Variants in CHRNA5 observed in about 807,000 individuals in gnomAD.
CHRNA5 encodes cholinergic receptor nicotinic alpha 5 subunit.
CHRNA5 carries 28 observed loss-of-function variants against 41.2 expected under a neutral mutation model. The observed-to-expected ratio is 0.68, with a 90% CI of 0.50 to 0.93. The LOEUF (loss-of-function observed/expected upper bound fraction) is 0.93. Among genes scored for constraint, CHRNA5 ranks in the 40% least tolerant of loss-of-function variants. The probability of loss-of-function intolerance (pLI) is 0.00; values close to 1 mark genes in which losing one functional copy is unlikely to be tolerated. For synonymous variants in CHRNA5, 188 were observed against 205.8 expected (o/e 0.91, Z 0.74); for missense variants, 481 against 581.9 (o/e 0.83, Z 1.78).
chr15:78,585,736 A>G (rs1337804860), intron 2 of CHRNA5, among the ~76,000 whole-genome samples: 2 of 151,158 alleles, frequency 1.3e-5, no homozygotes, highest in Admixed American at 6.6e-5. Context: ...GCTTTATGAA[A>G]TTCGTATTCA....
intron 2 of CHRNA5, among the ~76,000 whole-genome samples, chr15:78,582,214 G>A (rs185308922): frequency 6.6e-6 from 1 of 152,192 alleles, no homozygotes; most frequent in Admixed American, 6.5e-5. Context: ...AGCCAGGTGT[G>A]GTGGTTCATG....
chr15:78,580,495 TAGTC>T (rs1215904185), intron 1 of CHRNA5, among the ~76,000 whole-genome samples: 9 of 151,038 alleles, frequency 6.0e-5, no homozygotes, highest in Non-Finnish European at 4.4e-5. Flanking sequence ...CATATTCCAA[TAGTC>T]AGTCTGATTT....
At chr15:78,567,717 A>G in intron 1 of CHRNA5, among the ~76,000 whole-genome samples, 1 of 152,188 alleles carries the variant, frequency 6.6e-6, no homozygotes, top group East Asian at 1.9e-4. Flanking sequence ...GTGGAACAGT[A>G]TTACCTCTCT....
exon 6 of CHRNA5, chr15:78,593,479 A>C: frequency 2.9e-6 from 1 of 350,212 alleles, no homozygotes; most frequent in Non-Finnish European, 5.1e-6. Flanking sequence ...GCAAAATATT[A>C]TCTGAACTGG....
chr15:78,579,265 G>GT (rs869292535), intron 1 of CHRNA5, among the ~76,000 whole-genome samples: 5 of 102,194 alleles, frequency 4.9e-5, no homozygotes, highest in African/African-American at 1.7e-4. Flanking sequence ...TTGTTTGTTT[G>GT]TTTTTTGAGA....
chr15:78,588,333 T>G lies in CHRNA5; in HGVS notation c.323T>G (p.Leu108Ter). 6.3e-7 allele frequency: 1 copy of G among 1,580,312 alleles called. No homozygotes were observed. Among genetic ancestry groups the G allele is most frequent in the Non-Finnish European group, 8.6e-7 (1 of 1,158,156 alleles). ...TTAAAGGAATGGATAGATGTAAAAT[T>G]AAGATGGAACCCTGATGACTATGGT... The change falls in exon 4 of 6, where the codon TTA (leucine) becomes TGA (stop). Residue 108 changes from leucine (L) to a stop codon, truncating the protein, a stop_gained. Transcript: ENST00000299565. LOFTEE classifies it high-confidence loss of function. This position sits in a 1 kb window ranked among gnomAD's most constrained non-coding sequence, Gnocchi z 4.1.
chr15:78,586,947 A>G (rs2052966336), intron 3 of CHRNA5, among the ~76,000 whole-genome samples: 1 of 152,204 alleles, frequency 6.6e-6, no homozygotes, highest in African/African-American at 2.4e-5. Context: ...AAAACAGACA[A>G]AAAACCCTGT....
intron 1 of CHRNA5, among the ~76,000 whole-genome samples, chr15:78,577,790 C>T (rs529281362): frequency 6.6e-6 from 1 of 151,884 alleles, no homozygotes; most frequent in African/African-American, 2.4e-5. Context: ...AAACATTAGC[C>T]AGGTGTGGTG....
chr15:78,574,184 C>T (rs1241417974), intron 1 of CHRNA5, among the ~76,000 whole-genome samples: 1 of 150,934 alleles, frequency 6.6e-6, no homozygotes, highest in African/African-American at 2.4e-5. Context: ...AGTTCAAAAC[C>T]AGCCTGACCA....
chr15:78,571,707 A>T (rs1376527300), intron 1 of CHRNA5, among the ~76,000 whole-genome samples: 1 of 151,882 alleles, frequency 6.6e-6, no homozygotes, highest in South Asian at 2.1e-4. Flanking sequence ...TCAGGGTAAG[A>T]TATTAAGTTT....
intron 3 of CHRNA5, among the ~76,000 whole-genome samples, chr15:78,587,440 GGC>G (rs2052970885): frequency 7.1e-6 from 1 of 140,352 alleles, no homozygotes; most frequent in African/African-American, 2.7e-5. Context: ...GAGCGTTCCA[GGC>G]AGCAGGACCT....
At chr15:78,576,584 C>G (rs2052859002) in intron 1 of CHRNA5, among the ~76,000 whole-genome samples, 1 of 151,946 alleles carries the variant, frequency 6.6e-6, no homozygotes, top group Admixed American at 6.6e-5. Context: ...GAGTTCAAGA[C>G]CAGCCTGAGC....
At chr15:78,590,750 T>G (rs770904584) in intron 5 of CHRNA5, 114 bp downstream of exon 5, 1 of 808,688 alleles carries the variant, frequency 1.2e-6, no homozygotes, top group Non-Finnish European at 1.9e-6. Flanking sequence ...TAAGCATAGA[T>G]TGAGGGCCAG....
intron 1 of CHRNA5, among the ~76,000 whole-genome samples, chr15:78,570,644 C>T (rs1173527850): frequency 1.3e-5 from 2 of 151,828 alleles, no homozygotes; most frequent in African/African-American, 2.4e-5. Context: ...AGCCTTTTAC[C>T]AGTAAAAATA....
exon 3 of CHRNA5, chr15:78,586,683 G>A: frequency 6.2e-7 from 1 of 1,603,806 alleles, no homozygotes; most frequent in Non-Finnish European, 8.5e-7. Flanking sequence ...ACGTCTGGTT[G>A]AAACAGGTAT....
At position 78,583,380 on chromosome 15, in the gene CHRNA5, G is replaced by A. The variant is rs139352384; in HGVS notation, c.258+2418G>A. On this transcript the variant is annotated intron_variant, in intron 2 of 5. Transcript: ENST00000299565. Reference sequence around the variant, plus strand: ...ACATTTTGAAGCCTAGGTGATTAGAGTGGAAGAGTAACACATTTGAAAAAT... The same window carrying A: ...ACATTTTGAAGCCTAGGTGATTAGAATGGAAGAGTAACACATTTGAAAAAT... Among the ~76,000 whole-genome samples the A allele has an allele frequency of 2.8e-3, 419 of 152,284 alleles. 3 individuals are homozygous for A. Among genetic ancestry groups the A allele is most frequent in the African/African-American group, 9.0e-3 (373 of 41,570 alleles).
At chr15:78,590,770 C>A in intron 5 of CHRNA5, 134 bp downstream of exon 5, 1 of 713,982 alleles carries the variant, frequency 1.4e-6, no homozygotes, top group Non-Finnish European at 2.2e-6. Flanking sequence ...GAATTGTTGA[C>A]ATATTTTCTA....
At chr15:78,566,784 T>C (rs536220403) in intron 1 of CHRNA5, among the ~76,000 whole-genome samples, 1 of 152,300 alleles carries the variant, frequency 6.6e-6, no homozygotes, top group South Asian at 2.1e-4. Context: ...TATTGCTTAG[T>C]GTAGACCGAA....
chr15:78,565,641 G>A (rs1220316603), exon 1 of CHRNA5: 2 of 365,928 alleles, frequency 5.5e-6, no homozygotes, highest in Non-Finnish European at 8.3e-6. Flanking sequence ...CACACTCAGT[G>A]CTCCATTCCC....
Sources: allele counts gnomAD v4.1 joint callset (sites outside exome capture counted in the v4.1 genomes callset), GRCh38; gene constraint gnomAD v4.1.1; non-coding constraint Gnocchi (gnomAD v3.1); transcripts MANE v1.5; gene names NCBI Gene and HGNC (gene_info 2026-07-23, HGNC 2026-07-21).